Variants in ABCC4 observed in about 807,000 individuals in gnomAD.
The protein encoded by ABCC4 is ATP binding cassette subfamily C member 4 (PEL blood group).
A neutral mutation model predicts 168.5 loss-of-function variants in ABCC4; 102 were observed. The observed-to-expected ratio is 0.61, with a 90% CI of 0.52 to 0.71. The LOEUF (loss-of-function observed/expected upper bound fraction) is 0.71. Among genes scored for constraint, ABCC4 ranks in the 30% least tolerant of loss-of-function variants. ABCC4 has a pLI of 0.00. For synonymous variants in ABCC4, 617 were observed against 590.7 expected (o/e 1.04, Z -0.65); for missense variants, 1,402 against 1,605.8 (o/e 0.87, Z 2.17).
chr13:95,055,029 G>T (rs1414325706), intron 26 of ABCC4, among the ~76,000 whole-genome samples: 1 of 152,150 alleles, frequency 6.6e-6, no homozygotes, highest in African/African-American at 2.4e-5. Flanking sequence ...TGATAAAGTG[G>T]CCAATATCCT....
At chr13:95,196,656 G>A (rs866099314) in intron 8 of ABCC4, among the ~76,000 whole-genome samples, 21 of 30,448 alleles carry the variant, frequency 6.9e-4, no homozygotes, top group African/African-American at 1.0e-3. Flanking sequence ...AAGGAAGGAA[G>A]GAAGGAAGGA....
chr13:95,170,225 G>A (rs965650268), intron 14 of ABCC4: 1 of 243,182 alleles, frequency 4.1e-6, no homozygotes, highest in African/African-American at 2.2e-5. Context: ...ATACAAACAG[G>A]TCTTAGAGTC....
intron 20 of ABCC4, among the ~76,000 whole-genome samples, chr13:95,113,861 A>T (rs2035285424): frequency 6.6e-6 from 1 of 152,196 alleles, no homozygotes; most frequent in East Asian, 1.9e-4. Flanking sequence ...ATGTTGGGAA[A>T]TGTCCCTCAA....
At chr13:95,116,410 T>G (rs959428893) in intron 19 of ABCC4, among the ~76,000 whole-genome samples, 13 of 152,328 alleles carry the variant, frequency 8.5e-5, no homozygotes, top group African/African-American at 3.1e-4. Flanking sequence ...GAATTTCTTT[T>G]GCTAAGTGGT....
intron 19 of ABCC4, among the ~76,000 whole-genome samples, chr13:95,145,381 C>A (rs1343230616): frequency 2.0e-5 from 3 of 151,416 alleles, no homozygotes; most frequent in African/African-American, 7.3e-5. Flanking sequence ...CTTTGGGAGG[C>A]TGAGGCAGGC....
intron 29 of ABCC4, among the ~76,000 whole-genome samples, chr13:95,036,442 T>C (rs2032123303): frequency 6.6e-6 from 1 of 152,046 alleles, no homozygotes; most frequent in Admixed American, 6.6e-5. Context: ...TTCCCTCTCA[T>C]TGTCTGAAAA....
intron 4 of ABCC4, among the ~76,000 whole-genome samples, chr13:95,218,870 GA>G (rs1198913642): frequency 1.5e-5 from 2 of 130,466 alleles, no homozygotes; most frequent in African/African-American, 6.2e-5. Context: ...AAAAAGAAAA[GA>G]AAAGAAAAGA....
intron 1 of ABCC4, among the ~76,000 whole-genome samples, chr13:95,292,674 C>T (rs1476192054): frequency 6.6e-6 from 1 of 152,158 alleles, no homozygotes; most frequent in African/African-American, 2.4e-5. Context: ...TTCCCCACTG[C>T]CCAGTATCTG....
intron 27 of ABCC4, among the ~76,000 whole-genome samples, chr13:95,049,573 G>A (rs1409081030): frequency 4.6e-5 from 7 of 151,766 alleles, no homozygotes; most frequent in Non-Finnish European, 7.4e-5. Flanking sequence ...CCCGGGAGGC[G>A]GAGGTTGCAG....
At chr13:95,295,372 A>G (rs1272839347) in intron 1 of ABCC4, among the ~76,000 whole-genome samples, 1 of 151,992 alleles carries the variant, frequency 6.6e-6, no homozygotes, top group Non-Finnish European at 1.5e-5. Context: ...ATTAATAAAA[A>G]TTACTGGCCA....
intron 29 of ABCC4, among the ~76,000 whole-genome samples, chr13:95,040,383 C>T (rs1160631074): frequency 6.6e-6 from 1 of 152,182 alleles, no homozygotes; most frequent in African/African-American, 2.4e-5. Context: ...AGGCACACGG[C>T]ACCACGCCCA....
chr13:95,072,339 TA>T (rs1467315021), intron 24 of ABCC4, among the ~76,000 whole-genome samples: 1 of 152,110 alleles, frequency 6.6e-6, no homozygotes, highest in Non-Finnish European at 1.5e-5. Context: ...TGCATGCCTG[TA>T]ATCCCAGCTA....
At chr13:95,094,226 A>C (rs2034520948) in intron 20 of ABCC4, among the ~76,000 whole-genome samples, 1 of 152,192 alleles carries the variant, frequency 6.6e-6, no homozygotes, top group Admixed American at 6.5e-5. Context: ...AGCCAAAGCA[A>C]GACTAATCAA....
chr13:95,024,028 G>A (rs896173628), intron 30 of ABCC4, among the ~76,000 whole-genome samples: 1 of 151,960 alleles, frequency 6.6e-6, no homozygotes. Context: ...CCAACATGGT[G>A]AAACCCCATC....
chr13:95,241,347 G>C (rs1253279126), intron 3 of ABCC4, among the ~76,000 whole-genome samples: 9 of 142,102 alleles, frequency 6.3e-5, no homozygotes. Context: ...CCTGGTGACA[G>C]AATGAGACTC....
rs183957390 is a variant in ABCC4, at chr13:95,185,095, T to C, written c.1545+1606A>G. Among the ~76,000 whole-genome samples the C allele has an allele frequency of 4.0e-3, 603 of 152,220 alleles. 6 individuals carry two copies. The highest frequency in any genetic ancestry group is 6.8e-3 in the Middle Eastern group (2 of 294). ...AAATGTTAGCAATTCTGTACAAACT[T>C]TGAATAAAATGAAAATTTTACTTTA... On this transcript the variant is annotated intron_variant, in intron 11 of 30. Coordinates refer to ENST00000645237, the MANE Select transcript of ABCC4 (RefSeq NM_005845.5).
chr13:95,297,981 C>G (rs888822108), intron 1 of ABCC4, among the ~76,000 whole-genome samples: 2 of 128,364 alleles, frequency 1.6e-5, no homozygotes, highest in Non-Finnish European at 3.8e-5. Context: ...ACTATGAGGC[C>G]TCAGACTTTA....
rs527808152 is a variant in ABCC4, at chr13:95,256,512, T to C, written c.75-8759A>G. Among the ~76,000 whole-genome samples the C allele has an allele frequency of 4.6e-5, 7 of 152,274 alleles. No individual in the cohort carries two copies. The South Asian group carries it at 1.0e-3, about 23-fold the overall frequency. ...GGCTCACGCCTGTAATCCCAACACC[T>C]TGGGAGTCTGAGGCAGGAAGATTGC... On this transcript the variant is annotated intron_variant, in intron 1 of 30. Coordinates refer to ENST00000645237, the MANE Select transcript of ABCC4 (RefSeq NM_005845.5).
Position 95,071,835 on chromosome 13 carries a change from C to A in ABCC4, c.3037G>T (p.Val1013Phe), listed in dbSNP as rs757011393. 3 of 1,576,162 alleles carry A rather than the reference C, an allele frequency of 1.9e-6. No individual in the cohort carries two copies. Among genetic ancestry groups the A allele is most frequent in the East Asian group, 4.6e-5 (2 of 43,920 alleles). ...TTTTCAAGGTCTGTGTATTCAATGA[C>A]CCTTTCTACTGAGATCATCTGAAAG... is the stretch of plus-strand genomic sequence containing the variant. ...VENMMISVER[V>F]IEYTDLEKEA... Residue 1013 changes from valine (V) to phenylalanine (F), a missense_variant, in exon 25 of 31, where the codon GTC becomes TTC. Val to Phe is a conservative substitution (Grantham distance 50, BLOSUM62 -1). Coordinates refer to ENST00000645237, the MANE Select transcript of ABCC4 (RefSeq NM_005845.5).
Sources: allele counts gnomAD v4.1 joint callset (sites outside exome capture counted in the v4.1 genomes callset), GRCh38; gene constraint gnomAD v4.1.1; transcripts MANE v1.5; gene names NCBI Gene and HGNC (gene_info 2026-07-23, HGNC 2026-07-21).